The following ESRRG variants were observed in gnomAD, a reference collection of about 807,000 sequenced individuals.
ESRRG encodes estrogen related receptor gamma.
In ESRRG, 13 loss-of-function variants were observed where a neutral mutation model predicts 44.0. The ratio of observed to expected loss-of-function variants is 0.30; its 90% confidence interval spans 0.19 to 0.47. ESRRG has a LOEUF of 0.47. ESRRG is among the 20% of genes least tolerant of loss of function. The probability of loss-of-function intolerance (pLI) is 1.00; values close to 1 mark genes in which losing one functional copy is unlikely to be tolerated. For missense variants in ESRRG, 395 were observed against 580.6 expected, an observed-to-expected ratio of 0.68 and a Z score of 3.29; for synonymous variants, 215 against 214.6, an observed-to-expected ratio of 1.00 and a Z score of -0.02.
chr1:216,668,988 A>G (rs571379282), intron 2 of ESRRG, among the ~76,000 whole-genome samples: 7 of 152,340 alleles, frequency 4.6e-5, no homozygotes, highest in African/African-American at 1.7e-4. Flanking sequence ...GAAGAAAAAT[A>G]GGGTGTCTTG....
intron 5 of ESRRG, among the ~76,000 whole-genome samples, chr1:216,559,811 T>A (rs2058366167): frequency 6.6e-6 from 1 of 152,178 alleles, no homozygotes; most frequent in Non-Finnish European, 1.5e-5. Flanking sequence ...AAAATTTGAC[T>A]CTGTAAAATT....
At chr1:216,606,324 C>G (rs1162783398) in intron 3 of ESRRG, among the ~76,000 whole-genome samples, 1 of 152,158 alleles carries the variant, frequency 6.6e-6, no homozygotes, top group Non-Finnish European at 1.5e-5. Context: ...CCAACTCAGA[C>G]GTGGTAGTAA....
chr1:216,563,245 T>C (rs180744820), intron 5 of ESRRG, among the ~76,000 whole-genome samples: 8 of 152,308 alleles, frequency 5.3e-5, no homozygotes, highest in Admixed American at 4.6e-4. Flanking sequence ...GTCAGCTGTG[T>C]TCCTAACCAC....
intron 2 of ESRRG, among the ~76,000 whole-genome samples, chr1:216,753,179 C>T (rs1036880463): frequency 6.6e-6 from 1 of 151,844 alleles, no homozygotes; most frequent in Non-Finnish European, 1.5e-5. Flanking sequence ...TATTGATACA[C>T]ACACACACAC....
At chr1:216,598,733 A>G (rs923941402) in intron 3 of ESRRG, among the ~76,000 whole-genome samples, 1 of 152,092 alleles carries the variant, frequency 6.6e-6, no homozygotes, top group Non-Finnish European at 1.5e-5. Context: ...TTGGCTGGAA[A>G]AAAAAAAGAG....
chr1:216,772,483 C>T (rs2093423781), intron 2 of ESRRG, among the ~76,000 whole-genome samples: 1 of 152,074 alleles, frequency 6.6e-6, no homozygotes, highest in African/African-American at 2.4e-5. Context: ...AGCTAGAGCA[C>T]AATGTGAGAA....
chr1:216,986,595 G>A (rs1049368793), intron 1 of ESRRG, among the ~76,000 whole-genome samples: 19 of 151,568 alleles, frequency 1.3e-4, no homozygotes, highest in Non-Finnish European at 2.7e-4. Flanking sequence ...GGAGTGGCGG[G>A]GCATGGCTGT....
In ESRRG at chr1:216,851,128, T is replaced by C. The variant is rs937220489; in HGVS notation, c.-14+88454A>G. Reference sequence around the variant, plus strand: ...CCTATCAGATATCGTGAGTATGTTTTTCTGAACCCTTAGAATCCTAGCAGG... The same window carrying C: ...CCTATCAGATATCGTGAGTATGTTTCTCTGAACCCTTAGAATCCTAGCAGG... On this transcript the variant is annotated intron_variant, in intron 2 of 7. Coordinates refer to the ESRRG transcript ENST00000359162. 2.0e-5 allele frequency among the ~76,000 whole-genome samples: 3 copies of C among 151,378 alleles called. No individual in the cohort carries two copies. The Admixed American group carries it at 2.0e-4, about 10-fold the overall frequency.
chr1:216,999,137 C>T (rs1361750458), intron 1 of ESRRG, among the ~76,000 whole-genome samples: 1 of 152,172 alleles, frequency 6.6e-6, no homozygotes, highest in Non-Finnish European at 1.5e-5. Context: ...GGACCACAGA[C>T]TGCATGCCCA....
chr1:217,039,691 C>T (rs1285457914), intron 1 of ESRRG, among the ~76,000 whole-genome samples: 1 of 152,212 alleles, frequency 6.6e-6, no homozygotes, highest in Non-Finnish European at 1.5e-5. Context: ...ACTTCATTCA[C>T]TAAATCCATT....
chr1:216,543,850 A>AT (rs961257741), intron 5 of ESRRG, among the ~76,000 whole-genome samples: 4 of 151,992 alleles, frequency 2.6e-5, no homozygotes, highest in East Asian at 1.9e-4. Flanking sequence ...ATAAAATCTT[A>AT]TTTTTTTGCA....
At chr1:217,089,861 A>T (rs1375185089), upstream of ESRRG, among the ~76,000 whole-genome samples, 1 of 152,068 alleles carries the variant, frequency 6.6e-6, no homozygotes, top group Admixed American at 6.5e-5. Flanking sequence ...TTCTCTTGGT[A>T]GCGTCGGTCC....
intron 1 of ESRRG, among the ~76,000 whole-genome samples, chr1:216,991,368 G>A (rs2818769): frequency 0.2 from 29,858 of 151,916 alleles, 3,402 homozygotes; most frequent in East Asian, 0.44. Flanking sequence ...AATCCCAAGC[G>A]TTTTGTTGTT....
intron 2 of ESRRG, among the ~76,000 whole-genome samples, chr1:216,814,138 T>C (rs865883300): frequency 8.6e-5 from 13 of 151,914 alleles, no homozygotes; most frequent in African/African-American, 3.1e-4. Context: ...AAATGATGCT[T>C]CTCTCCCCAC....
chr1:216,899,084 A>G (rs1470669935), intron 2 of ESRRG, among the ~76,000 whole-genome samples: 1 of 152,194 alleles, frequency 6.6e-6, no homozygotes. Context: ...GTGTGACTGA[A>G]TGATCATCTG....
At chr1:216,952,184 T>C (rs1444456478) in intron 1 of ESRRG, among the ~76,000 whole-genome samples, 2 of 152,114 alleles carry the variant, frequency 1.3e-5, no homozygotes, top group African/African-American at 2.4e-5. Flanking sequence ...AAATGCTGAT[T>C]TGGGGCTCAG....
intron 2 of ESRRG, among the ~76,000 whole-genome samples, chr1:216,776,462 G>T (rs959147926): frequency 6.6e-6 from 1 of 151,930 alleles, no homozygotes; most frequent in African/African-American, 2.4e-5. Flanking sequence ...TATCATAATC[G>T]CCTGTTCATG....
In ESRRG at chr1:216,920,098, C is replaced by T. The variant is rs2061642706; in HGVS notation, c.-14+19484G>A. On this transcript the variant is annotated intron_variant, in intron 2 of 7. Transcript: ENST00000359162. ...ATCATTCATTCACATGGCAGTGTTT[C>T]CTTCACAGAAAATACAAGGTTGAAA... 2.0e-5 allele frequency among the ~76,000 whole-genome samples: 3 copies of T among 152,262 alleles called. No individual in the cohort carries two copies. In the South Asian group the frequency reaches 6.2e-4, roughly 32 times the overall value.
intron 2 of ESRRG, among the ~76,000 whole-genome samples, chr1:216,894,702 C>T (rs61818567): frequency 2.0e-5 from 3 of 152,112 alleles, no homozygotes; most frequent in African/African-American, 4.8e-5. Context: ...CGATTACTTG[C>T]CAAACCAGCA....
Sources: allele counts gnomAD v4.1 joint callset (sites outside exome capture counted in the v4.1 genomes callset), GRCh38; gene constraint gnomAD v4.1.1; transcripts MANE v1.5; gene names NCBI Gene and HGNC (gene_info 2026-07-23, HGNC 2026-07-21).